Variants in ANO3 observed in about 807,000 individuals in gnomAD.
The protein encoded by ANO3 is anoctamin-3.
Under a neutral mutation model 144.8 loss-of-function variants are expected in ANO3, and 99 were observed. The observed-to-expected ratio is 0.68, with a 90% CI of 0.58 to 0.81. The LOEUF (loss-of-function observed/expected upper bound fraction) is 0.81, where lower values mean the gene tolerates loss of function less well. ANO3 is among the 30% of genes least tolerant of loss of function. The pLI is 0.00. For missense variants in ANO3, 905 were observed against 1,202.2 expected (o/e 0.75, Z 3.66); for synonymous variants, 414 against 392.6 (o/e 1.05, Z -0.64).
chr11:26,270,096 A>G (rs1853408419), intron 1 of ANO3, among the ~76,000 whole-genome samples: 1 of 152,190 alleles, frequency 6.6e-6, no homozygotes, highest in South Asian at 2.1e-4. Flanking sequence ...AGGCAGTTCA[A>G]GTATATTGTA....
chr11:26,317,415 GA>G (rs971764437), intron 1 of ANO3, among the ~76,000 whole-genome samples: 136 of 145,718 alleles, frequency 9.3e-4, no homozygotes, highest in African/African-American at 2.3e-3. Flanking sequence ...AAATTTACAA[GA>G]AAAAAAAAAC....
intron 13 of ANO3, among the ~76,000 whole-genome samples, chr11:26,557,261 A>T (rs1375913799): frequency 6.6e-6 from 1 of 152,078 alleles, no homozygotes; most frequent in African/African-American, 2.4e-5. Context: ...GGAGATCGAG[A>T]CCATCCTGGC....
chr11:26,223,953 C>T (rs575492805), intron 1 of ANO3, among the ~76,000 whole-genome samples: 1 of 152,272 alleles, frequency 6.6e-6, no homozygotes, highest in Non-Finnish European at 1.5e-5. Flanking sequence ...GGCTTACCTC[C>T]AACATTGGAG....
chr11:26,447,259 A>T (rs1280818568), intron 3 of ANO3, among the ~76,000 whole-genome samples: 1 of 147,996 alleles, frequency 6.8e-6, no homozygotes, highest in Non-Finnish European at 1.5e-5. Context: ...TGGCATAATG[A>T]TGGCACGATG....
intron 17 of ANO3, among the ~76,000 whole-genome samples, chr11:26,619,204 C>T (rs539700211): frequency 6.6e-6 from 1 of 152,234 alleles, no homozygotes; most frequent in African/African-American, 2.4e-5. Flanking sequence ...GTATTTTTAA[C>T]ATATTTCAAG....
intron 3 of ANO3, among the ~76,000 whole-genome samples, chr11:26,453,806 C>G (rs1041451297): frequency 1.3e-5 from 2 of 152,084 alleles, no homozygotes; most frequent in Non-Finnish European, 2.9e-5. Flanking sequence ...CACACCTATT[C>G]CAAAATTGAC....
At chr11:26,336,514 T>G (rs1016875318) in intron 1 of ANO3, among the ~76,000 whole-genome samples, 1 of 152,248 alleles carries the variant, frequency 6.6e-6, no homozygotes, top group African/African-American at 2.4e-5. Flanking sequence ...ATTTTCTTTC[T>G]CTTTTTCTTT....
chr11:26,450,992 A>G (rs1858909745), intron 3 of ANO3, among the ~76,000 whole-genome samples: 2 of 152,200 alleles, frequency 1.3e-5, no homozygotes, highest in Admixed American at 6.5e-5. Flanking sequence ...TTTTGAACTG[A>G]TGCTTACATG....
intron 1 of ANO3, among the ~76,000 whole-genome samples, chr11:26,386,050 A>G (rs1269768767): frequency 6.6e-6 from 1 of 152,146 alleles, no homozygotes; most frequent in African/African-American, 2.4e-5. Context: ...ATCTTCCAGT[A>G]AAAAGAACCA....
At chr11:26,468,225 G>A (rs1309885471) in intron 4 of ANO3, among the ~76,000 whole-genome samples, 5 of 151,982 alleles carry the variant, frequency 3.3e-5, no homozygotes, top group African/African-American at 1.2e-4. Context: ...CATTAGTGAA[G>A]CTCAGCTGCG....
intron 1 of ANO3, among the ~76,000 whole-genome samples, chr11:26,197,568 G>T (rs569527682): frequency 9.2e-5 from 14 of 152,156 alleles, no homozygotes; most frequent in African/African-American, 3.4e-4. Flanking sequence ...AGCCAGGATG[G>T]TCTTGATCTC....
chr11:26,420,623 T>C (rs901673950), intron 1 of ANO3, among the ~76,000 whole-genome samples: 1 of 152,102 alleles, frequency 6.6e-6, no homozygotes, highest in Non-Finnish European at 1.5e-5. Flanking sequence ...TCTAAGCACA[T>C]GGATTCTTCC....
chr11:26,560,856 A>G, intron 14 of ANO3: 1 of 453,496 alleles, frequency 2.2e-6, no homozygotes, highest in South Asian at 4.0e-5. Context: ...GCTACTTAGT[A>G]AATGCCTCAG....
At chr11:26,615,414 A>ATATATATATATATATATATATTT (rs1352935016) in intron 17 of ANO3, among the ~76,000 whole-genome samples, 3 of 130,696 alleles carry the variant, frequency 2.3e-5, no homozygotes, top group African/African-American at 8.9e-5. Context: ...ATATATATAT[A>ATATATATATATATATATATATTT]TTTTTTTTTT....
chr11:26,356,545 T>C (rs865895626), intron 1 of ANO3, among the ~76,000 whole-genome samples: 5 of 152,228 alleles, frequency 3.3e-5, no homozygotes, highest in Admixed American at 1.3e-4. Flanking sequence ...TATAATGCTT[T>C]TTACATTTAT....
intron 1 of ANO3, among the ~76,000 whole-genome samples, chr11:26,234,390 T>G (rs79545903): frequency 6.6e-6 from 1 of 152,196 alleles, no homozygotes; most frequent in Non-Finnish European, 1.5e-5. Flanking sequence ...GTCTGAACAT[T>G]TAGGCACAAA....
rs560920815 is a variant in ANO3 at position 26,313,217 on chromosome 11, CATTT to C, written c.-3+3502_-3+3505del. ...TCTTTTCTTAGGACATGTGTCCATTCATTTATTCATTTATTGCACCATTGCTGTG... is the reference window on the plus strand; with the variant it reads ...TCTTTTCTTAGGACATGTGTCCATTCATTCATTTATTGCACCATTGCTGTG... On this transcript the variant is annotated intron_variant, in intron 1 of 26. Coordinates refer to the ANO3 transcript ENST00000525139. Among the ~76,000 whole-genome samples the C allele has an allele frequency of 5.6e-3, 848 of 152,256 alleles. 6 individuals carry two copies. Among genetic ancestry groups the C allele is most frequent in the African/African-American group, 0.019 (800 of 41,564 alleles).
At chr11:26,375,924 C>G (rs1461008476) in intron 1 of ANO3, among the ~76,000 whole-genome samples, 1 of 152,134 alleles carries the variant, frequency 6.6e-6, no homozygotes, top group Non-Finnish European at 1.5e-5. Flanking sequence ...TGCTTTTACT[C>G]TGTGAGGATG....
chr11:26,389,381 A>T (rs1034325526), intron 1 of ANO3, among the ~76,000 whole-genome samples: 2 of 152,142 alleles, frequency 1.3e-5, no homozygotes, highest in East Asian at 1.9e-4. Context: ...ACCTTATAAG[A>T]ATTTTGTAAA....
Sources: gnomAD v4.1 joint callset for allele counts (sites outside exome capture counted in the v4.1 genomes callset) on GRCh38, gnomAD v4.1.1 for gene constraint, MANE v1.5 for transcripts, NCBI Gene and HGNC (gene_info 2026-07-23, HGNC 2026-07-21) for gene names.